Variants in FOXN3 observed in about 807,000 individuals in gnomAD.
The protein encoded by FOXN3 is forkhead box N3.
In FOXN3, 7 loss-of-function variants were observed where a neutral mutation model predicts 38.4. The ratio of observed to expected loss-of-function variants is 0.18; its 90% CI spans 0.10 to 0.34. The LOEUF is 0.34. Among genes scored for constraint, FOXN3 ranks in the 10% least tolerant of loss-of-function variants. The probability of loss-of-function intolerance (pLI) is 1.00; values close to 1 mark genes in which losing one functional copy is unlikely to be tolerated. For missense variants in FOXN3, 456 were observed against 613.4 expected (o/e 0.74, Z 2.71); for synonymous variants, 230 against 242.2 (o/e 0.95, Z 0.47).
chr14:89,476,397 A>G (rs902026876), intron 1 of FOXN3, among the ~76,000 whole-genome samples: 6 of 152,154 alleles, frequency 3.9e-5, no homozygotes, highest in Admixed American at 6.5e-5. Context: ...CGGACCCCCA[A>G]CTGCTCCTCT....
rs530411972 is a variant in FOXN3, at chr14:89,508,544, T to C, written c.-14-96054A>G. Among the ~76,000 whole-genome samples the C allele has an allele frequency of 7.9e-5, 12 of 152,296 alleles. No homozygotes were observed. The South Asian group carries it at 1.9e-3, about 24-fold the overall frequency. ...CACTCGCTCAGAAAAGCCGAAGAGC[T>C]TGGGCAGAGCAGAGAATGTCAGCAT... On this transcript the variant is annotated intron_variant, in intron 1 of 6. Coordinates refer to the FOXN3 transcript ENST00000345097.
chr14:89,583,902 G>A (rs1197410481), intron 1 of FOXN3, among the ~76,000 whole-genome samples: 1 of 151,762 alleles, frequency 6.6e-6, no homozygotes, highest in Non-Finnish European at 1.5e-5. Flanking sequence ...TGTCACCCAG[G>A]TTGGAGTGCA....
intron 4 of FOXN3, among the ~76,000 whole-genome samples, chr14:89,227,998 C>A (rs747978274): frequency 6.6e-5 from 10 of 152,202 alleles, no homozygotes; most frequent in Non-Finnish European, 1.2e-4. Context: ...CCTCAGCCCC[C>A]CAAAGTGCTA....
intron 3 of FOXN3, among the ~76,000 whole-genome samples, chr14:89,309,210 T>C (rs1410244909): frequency 6.6e-6 from 1 of 152,184 alleles, no homozygotes; most frequent in Admixed American, 6.5e-5. Flanking sequence ...TTAAGTGTGA[T>C]GGCTGGACTT....
At chr14:89,448,387 C>A (rs530259103) in intron 1 of FOXN3, among the ~76,000 whole-genome samples, 3 of 152,180 alleles carry the variant, frequency 2.0e-5, no homozygotes, top group African/African-American at 7.2e-5. Flanking sequence ...TGGGTGCTCA[C>A]TGGGAAGTCA....
At chr14:89,420,045 A>G (rs1289811604), upstream of FOXN3, among the ~76,000 whole-genome samples, 1 of 152,144 alleles carries the variant, frequency 6.6e-6, no homozygotes, top group Admixed American at 6.5e-5. Flanking sequence ...CTGGGCAGGC[A>G]CACACCGCTG....
At chr14:89,254,061 C>T (rs1261751809) in intron 4 of FOXN3, among the ~76,000 whole-genome samples, 1 of 152,110 alleles carries the variant, frequency 6.6e-6, no homozygotes, top group Non-Finnish European at 1.5e-5. Flanking sequence ...GATGGAAACC[C>T]CAGCTGTGTC....
chr14:89,549,074 A>G (rs1423423348), intron 1 of FOXN3, among the ~76,000 whole-genome samples: 1 of 151,748 alleles, frequency 6.6e-6, no homozygotes, highest in Non-Finnish European at 1.5e-5. Context: ...AGCTGAGATC[A>G]TGCCACTGCA....
intron 1 of FOXN3, among the ~76,000 whole-genome samples, chr14:89,503,665 C>T (rs1247925206): frequency 6.6e-6 from 1 of 152,190 alleles, no homozygotes; most frequent in South Asian, 2.1e-4. Flanking sequence ...AACAGTAGGA[C>T]CGAGTCAGGG....
At chr14:89,172,715 C>T (rs1887422102) in intron 5 of FOXN3, among the ~76,000 whole-genome samples, 1 of 152,030 alleles carries the variant, frequency 6.6e-6, no homozygotes. Flanking sequence ...AGAAAGAAAC[C>T]TGATATATAT....
At chr14:89,564,454 C>A (rs749918499) in intron 1 of FOXN3, among the ~76,000 whole-genome samples, 19 of 152,222 alleles carry the variant, frequency 1.2e-4, no homozygotes, top group Non-Finnish European at 2.5e-4. Context: ...TCCTTCCGTG[C>A]TAAAAGTGAA....
intron 2 of FOXN3, among the ~76,000 whole-genome samples, chr14:89,374,896 G>C (rs994891213): frequency 2.0e-5 from 3 of 150,938 alleles, no homozygotes; most frequent in Admixed American, 6.6e-5. Flanking sequence ...GGAATCGCTT[G>C]AATACAGGAG....
In FOXN3 at chr14:89,564,377, G is replaced by A. The variant is rs372243716; in HGVS notation, c.-15+54651C>T. ...AATAAATGTCCGCAACTCAAATCTC[G>A]TCTCTGAATTCTTTCTAACTTCACT... On this transcript the variant is annotated intron_variant, in intron 1 of 6. Coordinates refer to the FOXN3 transcript ENST00000345097. Among the ~76,000 whole-genome samples, 24 of 152,212 alleles carry A rather than the reference G, an allele frequency of 1.6e-4. 1 individual carries two copies. The East Asian group carries it at 2.5e-3, about 16-fold the overall frequency.
At chr14:89,533,045 G>A (rs1324621362) in intron 1 of FOXN3, among the ~76,000 whole-genome samples, 1 of 152,118 alleles carries the variant, frequency 6.6e-6, no homozygotes, top group African/African-American at 2.4e-5. Flanking sequence ...CTCCCCCAAA[G>A]GTCATGTAGA....
chr14:89,205,919 G>A (rs1888371855), intron 4 of FOXN3, among the ~76,000 whole-genome samples: 1 of 152,218 alleles, frequency 6.6e-6, no homozygotes, highest in Non-Finnish European at 1.5e-5. Context: ...CGCGCCCTGG[G>A]AGCGGGTTAA....
At chr14:89,292,863 C>T (rs1886919657) in intron 3 of FOXN3, among the ~76,000 whole-genome samples, 1 of 152,210 alleles carries the variant, frequency 6.6e-6, no homozygotes, top group South Asian at 2.1e-4. Context: ...CTCCCACATG[C>T]ACTCACATGA....
In FOXN3 at chr14:89,163,826, C is replaced by T. The variant is rs1187034440; in HGVS notation, c.852-857G>A. On this transcript the variant is annotated intron_variant, in intron 5 of 5. Transcript: ENST00000557258. This position sits in a 1 kb window ranked among gnomAD's most constrained non-coding sequence, Gnocchi z 4.3. ...GTCACACAACTGATCACTTGCGGAG[C>T]AGGGACTGGAATCAAAGTCTGACTC... is the stretch of plus-strand genomic sequence containing the variant. Among the ~76,000 whole-genome samples the T allele has an allele frequency of 6.6e-6, 1 of 152,164 alleles. No individual in the cohort carries two copies. The highest frequency in any genetic ancestry group is 6.5e-5 in the Admixed American group (1 of 15,284).
intron 1 of FOXN3, among the ~76,000 whole-genome samples, chr14:89,615,138 T>TTTG (rs3058060): frequency 3.3e-5 from 5 of 149,922 alleles, no homozygotes; most frequent in Non-Finnish European, 1.5e-5. Context: ...TTTTTTTTTT[T>TTTG]GCTATCAGCA....
intron 3 of FOXN3, among the ~76,000 whole-genome samples, chr14:89,312,232 C>A (rs1439749108): frequency 7.2e-6 from 1 of 138,162 alleles, no homozygotes; most frequent in Non-Finnish European, 1.5e-5. Context: ...TTGCAGTGAG[C>A]CGAGATTGCA....
Sources: gnomAD v4.1 joint callset for allele counts (sites outside exome capture counted in the v4.1 genomes callset) on GRCh38, gnomAD v4.1.1 for gene constraint, Gnocchi (gnomAD v3.1) non-coding constraint, MANE v1.5 for transcripts, NCBI Gene and HGNC (gene_info 2026-07-23, HGNC 2026-07-21) for gene names.